The following SLC24A3 variants were observed in gnomAD, a reference collection of about 807,000 sequenced individuals.
The protein encoded by SLC24A3 is solute carrier family 24 member 3.
A neutral mutation model predicts 75.8 loss-of-function variants in SLC24A3; 28 were observed. The ratio of observed to expected loss-of-function variants is 0.37; its 90% CI spans 0.27 to 0.51. The LOEUF (loss-of-function observed/expected upper bound fraction) is 0.51. Ranked by LOEUF, SLC24A3 falls within the 20% of genes least tolerant of loss-of-function variation. SLC24A3 has a pLI of 0.94. For missense variants in SLC24A3, 663 were observed against 847.8 expected (o/e 0.78, Z 2.71); for synonymous variants, 372 against 334.1 (o/e 1.11, Z -1.24).
chr20:19,689,357 T>C (rs536969904), intron 12 of SLC24A3, among the ~76,000 whole-genome samples: 1 of 152,300 alleles, frequency 6.6e-6, no homozygotes, highest in African/African-American at 2.4e-5. Flanking sequence ...TAGAAACAAA[T>C]CCTTTTGCTT....
intron 3 of SLC24A3, among the ~76,000 whole-genome samples, chr20:19,551,889 T>C (rs1385998859): frequency 6.6e-6 from 1 of 152,088 alleles, no homozygotes; most frequent in African/African-American, 2.4e-5. Context: ...GGGCTCAAAA[T>C]ACATCAAACT....
intron 3 of SLC24A3, among the ~76,000 whole-genome samples, chr20:19,536,833 C>A (rs2030407488): frequency 6.6e-6 from 1 of 152,164 alleles, no homozygotes; most frequent in Non-Finnish European, 1.5e-5. Context: ...ATGTAGAAAG[C>A]TGAAACTGGA....
rs527348132 is a variant in SLC24A3 at position 19,303,539 on chromosome 20, G to T, written c.271+22452G>T. Among the ~76,000 whole-genome samples, 260 of 152,234 alleles carry T rather than the reference G, an allele frequency of 1.7e-3. 1 individual carries two copies. Among genetic ancestry groups the T allele is most frequent in the Non-Finnish European group, 1.4e-3 (98 of 68,006 alleles). On this transcript the variant is annotated intron_variant, in intron 2 of 16. Coordinates refer to ENST00000328041, the MANE Select transcript of SLC24A3 (RefSeq NM_020689.4). The stretch of plus-strand genomic sequence containing the variant: ...TGGGTGTATACCCAATAATGGGATC[G>T]CTGGATCAAATGGTATTTCTGTTAA...
At chr20:19,704,189 A>AGATGGATG (rs111948547) in intron 15 of SLC24A3, among the ~76,000 whole-genome samples, 36 of 151,142 alleles carry the variant, frequency 2.4e-4, no homozygotes, top group African/African-American at 8.0e-4. Flanking sequence ...ATGGATGGAG[A>AGATGGATG]GATGGATGGA....
chr20:19,595,262 A>G (rs2031437416), intron 6 of SLC24A3, among the ~76,000 whole-genome samples: 1 of 152,202 alleles, frequency 6.6e-6, no homozygotes, highest in Non-Finnish European at 1.5e-5. Flanking sequence ...GAGCTCCCCA[A>G]GAATGCAGCC....
chr20:19,683,233 C>A (rs1220946567), intron 10 of SLC24A3, among the ~76,000 whole-genome samples: 1 of 152,156 alleles, frequency 6.6e-6, no homozygotes, highest in Non-Finnish European at 1.5e-5. Flanking sequence ...AGTTTCTTCT[C>A]TTCTGGGTAG....
At chr20:19,373,189 T>C (rs1438638843) in intron 2 of SLC24A3, among the ~76,000 whole-genome samples, 1 of 152,152 alleles carries the variant, frequency 6.6e-6, no homozygotes, top group East Asian at 1.9e-4. Context: ...GTCTGGTTTT[T>C]GTTTGTTGCT....
intron 2 of SLC24A3, among the ~76,000 whole-genome samples, chr20:19,484,405 A>G (rs1988100034): frequency 6.6e-6 from 1 of 152,188 alleles, no homozygotes; most frequent in African/African-American, 2.4e-5. Flanking sequence ...TTGTGGCATC[A>G]TGTTGACACA....
intron 2 of SLC24A3, among the ~76,000 whole-genome samples, chr20:19,367,666 G>A (rs1985917689): frequency 1.3e-5 from 2 of 152,128 alleles, no homozygotes. Flanking sequence ...ACCTTACTTG[G>A]GAAGGTAGAA....
intron 2 of SLC24A3, among the ~76,000 whole-genome samples, chr20:19,341,419 G>A (rs1470106286): frequency 2.6e-5 from 4 of 152,208 alleles, no homozygotes; most frequent in Admixed American, 2.0e-4. Flanking sequence ...TTTGGGAACT[G>A]GACCTAGTCC....
intron 3 of SLC24A3, among the ~76,000 whole-genome samples, chr20:19,528,499 G>A (rs529744492): frequency 2.5e-4 from 38 of 152,172 alleles, no homozygotes; most frequent in Non-Finnish European, 4.7e-4. Context: ...CTTGGAAATC[G>A]CCAAGCACAT....
At chr20:19,327,652 A>T (rs979835350) in intron 2 of SLC24A3, among the ~76,000 whole-genome samples, 2 of 152,136 alleles carry the variant, frequency 1.3e-5, no homozygotes, top group Non-Finnish European at 2.9e-5. Flanking sequence ...TCATTGTTAG[A>T]TGTTACTGAC....
chr20:19,235,098 T>C (rs1397985075), intron 1 of SLC24A3, among the ~76,000 whole-genome samples: 1 of 152,244 alleles, frequency 6.6e-6, no homozygotes, highest in Non-Finnish European at 1.5e-5. Flanking sequence ...CTACTGTCCT[T>C]TAAAGCTCAA....
At position 19,245,259 on chromosome 20, in the gene SLC24A3, G is replaced by T. The variant is rs115083867; in HGVS notation, c.142+32275G>T. ...AAGAAATTAACATATTATAGTAATG[G>T]AGTTCACACTGGTCATCAGTGCAGG... On this transcript the variant is annotated intron_variant, in intron 1 of 16. Transcript: ENST00000328041. Among the ~76,000 whole-genome samples the T allele has an allele frequency of 5.4e-3, 828 of 152,188 alleles. 9 individuals are homozygous for T. Among genetic ancestry groups the T allele is most frequent in the African/African-American group, 0.019 (771 of 41,530 alleles).
At chr20:19,642,260 G>A (rs2032084988) in intron 6 of SLC24A3, among the ~76,000 whole-genome samples, 1 of 152,174 alleles carries the variant, frequency 6.6e-6, no homozygotes, top group Non-Finnish European at 1.5e-5. Flanking sequence ...AGATTCTATA[G>A]CTATTTGCAA....
chr20:19,372,959 G>A (rs955874382), intron 2 of SLC24A3, among the ~76,000 whole-genome samples: 5 of 152,148 alleles, frequency 3.3e-5, no homozygotes, highest in African/African-American at 1.2e-4. Flanking sequence ...TGGCCCCAGG[G>A]CTGGATGGGA....
chr20:19,430,201 A>G (rs1987076287), intron 2 of SLC24A3, among the ~76,000 whole-genome samples: 1 of 152,106 alleles, frequency 6.6e-6, no homozygotes, highest in Non-Finnish European at 1.5e-5. Context: ...CCTTGGAGCC[A>G]TCATCTCTGC....
chr20:19,544,914 C>T (rs1314844359), intron 3 of SLC24A3, among the ~76,000 whole-genome samples: 7 of 152,134 alleles, frequency 4.6e-5, no homozygotes, highest in Non-Finnish European at 1.0e-4. Flanking sequence ...GCTTTCTTAT[C>T]GGAGCCAATA....
intron 3 of SLC24A3, among the ~76,000 whole-genome samples, chr20:19,516,190 T>C (rs1279161519): frequency 6.6e-6 from 1 of 152,214 alleles, no homozygotes; most frequent in Non-Finnish European, 1.5e-5. Context: ...TTTCCACCAC[T>C]GCCCAGCATC....
Sources: gnomAD v4.1 joint callset for allele counts (sites outside exome capture counted in the v4.1 genomes callset) on GRCh38, gnomAD v4.1.1 for gene constraint, MANE v1.5 for transcripts, NCBI Gene and HGNC (gene_info 2026-07-23, HGNC 2026-07-21) for gene names.